The following ADAMTSL1 variants were observed in gnomAD, a reference collection of about 807,000 sequenced individuals.
ADAMTSL1 encodes ADAMTS-like protein 1.
ADAMTSL1 carries 126 observed loss-of-function variants against 201.8 expected under a neutral mutation model. That is an observed-to-expected ratio of 0.62 (90% CI 0.54 to 0.72). ADAMTSL1 has a LOEUF of 0.72. Among genes scored for constraint, ADAMTSL1 ranks in the 30% least tolerant of loss-of-function variants. The pLI, the probability that ADAMTSL1 is intolerant of heterozygous loss-of-function variation, is 0.00. For missense variants in ADAMTSL1, 2,679 were observed against 2,277.8 expected (o/e 1.18, Z -3.59); for synonymous variants, 1,121 against 903.4 (o/e 1.24, Z -4.32).
At chr9:18,535,428 A>T (rs963039221) in intron 3 of ADAMTSL1, among the ~76,000 whole-genome samples, 3 of 152,112 alleles carry the variant, frequency 2.0e-5, no homozygotes, top group African/African-American at 7.2e-5. Context: ...CTGTCTTCTG[A>T]GCCCCCCAAG....
chr9:18,645,729 T>A (rs1399345786), intron 7 of ADAMTSL1, among the ~76,000 whole-genome samples: 1 of 148,140 alleles, frequency 6.8e-6, no homozygotes, highest in South Asian at 2.2e-4. Flanking sequence ...GAGGGCTCTG[T>A]TCTGTTCCAT....
chr9:18,236,416 C>G (rs891550886), intron 2 of ADAMTSL1, among the ~76,000 whole-genome samples: 2 of 152,154 alleles, frequency 1.3e-5, no homozygotes, highest in African/African-American at 4.8e-5. Context: ...GCTGTTGGTT[C>G]TAGCTGTATC....
At chr9:18,166,979 G>C (rs1827664444) in intron 2 of ADAMTSL1, among the ~76,000 whole-genome samples, 1 of 151,886 alleles carries the variant, frequency 6.6e-6, no homozygotes, top group South Asian at 2.1e-4. Context: ...TCCTCTCAGA[G>C]GGCTAATTTC....
intron 2 of ADAMTSL1, among the ~76,000 whole-genome samples, chr9:18,314,416 C>T (rs1186389033): frequency 6.6e-6 from 1 of 151,980 alleles, no homozygotes; most frequent in Non-Finnish European, 1.5e-5. Context: ...GAGTTTGTTC[C>T]TTCTGGTGGG....
chr9:18,339,795 C>G (rs1218657359), intron 2 of ADAMTSL1, among the ~76,000 whole-genome samples: 1 of 152,018 alleles, frequency 6.6e-6, no homozygotes, highest in African/African-American at 2.4e-5. Flanking sequence ...CTCCTTCCTA[C>G]CAGCATTTAA....
chr9:18,437,775 A>C (rs1358481496), intron 2 of ADAMTSL1, among the ~76,000 whole-genome samples: 1 of 152,160 alleles, frequency 6.6e-6, no homozygotes, highest in Non-Finnish European at 1.5e-5. Flanking sequence ...TATTAACCCC[A>C]GGAGATCACA....
At chr9:18,006,696 G>A (rs1290161908) in intron 1 of ADAMTSL1, among the ~76,000 whole-genome samples, 1 of 151,972 alleles carries the variant, frequency 6.6e-6, no homozygotes, top group South Asian at 2.1e-4. Context: ...ATTAACTTCA[G>A]TGTTCTTCTA....
chr9:18,127,401 G>C (rs367972385), intron 1 of ADAMTSL1, among the ~76,000 whole-genome samples: 2 of 151,884 alleles, frequency 1.3e-5, no homozygotes, highest in Admixed American at 1.3e-4. Flanking sequence ...GAGTGGATTG[G>C]AGAAAAAATT....
intron 1 of ADAMTSL1, among the ~76,000 whole-genome samples, chr9:18,138,336 A>G (rs1232657057): frequency 5.3e-5 from 8 of 152,112 alleles, no homozygotes; most frequent in South Asian, 2.1e-4. Flanking sequence ...TGTTTTTTCT[A>G]GATAGATATC....
At chr9:18,582,092 C>G (rs1462163626) in intron 4 of ADAMTSL1, among the ~76,000 whole-genome samples, 1 of 152,212 alleles carries the variant, frequency 6.6e-6, no homozygotes, top group African/African-American at 2.4e-5. Context: ...ATAACTGCAT[C>G]TCTATTCCTG....
At chr9:18,651,657 G>A (rs1158273525) in intron 7 of ADAMTSL1, among the ~76,000 whole-genome samples, 1 of 152,122 alleles carries the variant, frequency 6.6e-6, no homozygotes, top group South Asian at 2.1e-4. Flanking sequence ...AGGAAGAGTG[G>A]CATCATTCCA....
At chr9:18,328,776 A>C (rs1834923338) in intron 2 of ADAMTSL1, among the ~76,000 whole-genome samples, 1 of 152,190 alleles carries the variant, frequency 6.6e-6, no homozygotes, top group African/African-American at 2.4e-5. Context: ...TCTGAGTATT[A>C]ATAGAAGCAC....
At chr9:18,713,134 G>A (rs914240040) in intron 14 of ADAMTSL1, among the ~76,000 whole-genome samples, 36 of 150,998 alleles carry the variant, frequency 2.4e-4, no homozygotes, top group East Asian at 7.8e-4. Flanking sequence ...GGTACCAGCC[G>A]CTGCAAAATC....
intron 23 of ADAMTSL1, among the ~76,000 whole-genome samples, chr9:18,879,334 T>A (rs1405095645): frequency 6.6e-6 from 1 of 152,224 alleles, no homozygotes; most frequent in East Asian, 1.9e-4. Context: ...AGAGTTCTCC[T>A]TCAGAGTCAT....
chr9:18,443,643 G>A (rs1820080745), intron 2 of ADAMTSL1, among the ~76,000 whole-genome samples: 1 of 152,192 alleles, frequency 6.6e-6, no homozygotes. Flanking sequence ...CAGGGTGAAT[G>A]AAAGTTTGGA....
chr9:18,567,341 C>T (rs554971165), intron 3 of ADAMTSL1, among the ~76,000 whole-genome samples: 2 of 152,226 alleles, frequency 1.3e-5, no homozygotes, highest in South Asian at 2.1e-4. Flanking sequence ...TGGCACACAC[C>T]TGTAATCCCA....
chr9:18,026,212 T>C (rs931558924), intron 1 of ADAMTSL1, among the ~76,000 whole-genome samples: 2 of 152,072 alleles, frequency 1.3e-5, no homozygotes, highest in Non-Finnish European at 2.9e-5. Flanking sequence ...TTCTCTTGCC[T>C]CATTGCTCTG....
At chr9:17,940,812 C>CA (rs1554667528) in intron 1 of ADAMTSL1, among the ~76,000 whole-genome samples, 350 of 20,286 alleles carry the variant, frequency 0.017, 21 homozygotes, top group South Asian at 0.077. Context: ...ACCCCCCCCC[C>CA]AAAAAAAAGA....
At chr9:18,710,664 TTG>T (rs1358831997) in intron 14 of ADAMTSL1, among the ~76,000 whole-genome samples, 28 of 78,524 alleles carry the variant, frequency 3.6e-4, no homozygotes, top group Admixed American at 6.3e-4. Flanking sequence ...GGCCTAAGTT[TTG>T]TTTTGTTTTT....
Sources: gnomAD v4.1 joint callset for allele counts (sites outside exome capture counted in the v4.1 genomes callset) on GRCh38, gnomAD v4.1.1 for gene constraint, MANE v1.5 for transcripts, NCBI Gene and HGNC (gene_info 2026-07-23, HGNC 2026-07-21) for gene names.